Variants in CREB1 observed in about 807,000 individuals in gnomAD.
The protein encoded by CREB1 is cyclic AMP-responsive element-binding protein 1.
In CREB1, 2 loss-of-function variants were observed where a neutral mutation model predicts 42.0. The observed-to-expected ratio is 0.05, with a 90% CI of 0.02 to 0.15. The LOEUF (loss-of-function observed/expected upper bound fraction) is 0.15, where lower values mean the gene tolerates loss of function less well. Among genes scored for constraint, CREB1 ranks in the 10% least tolerant of loss-of-function variants. The pLI is 1.00. For missense variants in CREB1, 199 were observed against 388.9 expected (o/e 0.51, Z 4.11); for synonymous variants, 123 against 139.9 (o/e 0.88, Z 0.85).
chr2:207,557,049 AATTG>A, intron 2 of CREB1, among the ~76,000 whole-genome samples: 1 of 152,222 alleles, frequency 6.6e-6, no homozygotes, highest in Non-Finnish European at 1.5e-5. Context: ...GAGGGAGGAG[AATTG>A]CTTAAGTCCG....
rs748908971 is a variant in CREB1, at chr2:207,600,837, A to T, written c.*3779A>T. On this transcript the variant is annotated 3_prime_UTR_variant, in exon 8 of 8. Transcript: ENST00000353267. ...TATCATTTCTACCTTTTGGGGTGAC[A>T]TGTGGAATCATACAAAGGCTTAGGA... is the stretch of plus-strand genomic sequence containing the variant. The T allele has an allele frequency of 3.4e-5, 7 of 206,272 alleles. No individual in the cohort carries two copies. Among genetic ancestry groups the T allele is most frequent in the Non-Finnish European group, 5.9e-5 (6 of 100,970 alleles). 12.8% of individuals were successfully genotyped at this position (206,272 alleles called of 1,614,324 possible).
chr2:207,549,690 C>T (rs1419535433), intron 1 of CREB1, among the ~76,000 whole-genome samples: 1 of 151,866 alleles, frequency 6.6e-6, no homozygotes, highest in African/African-American at 2.4e-5. Flanking sequence ...CTGGCTAACA[C>T]GATGAAACAC....
chr2:207,587,060 T>C (rs1046165718), intron 7 of CREB1, among the ~76,000 whole-genome samples: 4 of 152,156 alleles, frequency 2.6e-5, no homozygotes, highest in African/African-American at 9.7e-5. Flanking sequence ...GAATGTACAT[T>C]AATGCAGCCA....
intron 1 of CREB1, among the ~76,000 whole-genome samples, chr2:207,539,512 C>T (rs1356237051): frequency 1.3e-5 from 2 of 151,916 alleles, no homozygotes; most frequent in Non-Finnish European, 2.9e-5. Flanking sequence ...GTGAAATAAT[C>T]GCAAGAAAAT....
intron 3 of CREB1, among the ~76,000 whole-genome samples, chr2:207,561,379 T>A (rs138556798): frequency 5.3e-5 from 8 of 152,332 alleles, no homozygotes; most frequent in African/African-American, 1.9e-4. Context: ...CTAATGGTAG[T>A]CCAGCATTTA....
rs1429157153 is a variant in CREB1 at position 207,600,839 on chromosome 2, G to C, written c.*3781G>C. The stretch of plus-strand genomic sequence containing the variant: ...TCATTTCTACCTTTTGGGGTGACAT[G>C]TGGAATCATACAAAGGCTTAGGAAG... On this transcript the variant is annotated 3_prime_UTR_variant, in exon 8 of 8. Coordinates refer to ENST00000353267, the MANE Select transcript of CREB1 (RefSeq NM_004379.5). 1 of 206,448 alleles carries C rather than the reference G, an allele frequency of 4.8e-6. No homozygotes were observed. Among genetic ancestry groups the C allele is most frequent in the African/African-American group, 2.3e-5 (1 of 43,854 alleles). The allele number at this position is 206,448 out of a possible 1,614,324, so 12.8% of individuals were successfully genotyped here.
At chr2:207,535,824 A>ATTTATT in intron 1 of CREB1, among the ~76,000 whole-genome samples, 1 of 53,418 alleles carries the variant, frequency 1.9e-5, no homozygotes, top group African/African-American at 5.1e-5. Context: ...ATTTATTTTT[A>ATTTATT]TTTATTTATT....
intron 1 of CREB1, among the ~76,000 whole-genome samples, chr2:207,532,542 G>A (rs1371069698): frequency 6.6e-6 from 1 of 150,884 alleles, no homozygotes; most frequent in East Asian, 2.0e-4. Flanking sequence ...GTGTCGTGGC[G>A]CGTGCTTGTA....
chr2:207,552,868 G>A (rs544214782), intron 1 of CREB1, among the ~76,000 whole-genome samples: 7 of 151,790 alleles, frequency 4.6e-5, no homozygotes, highest in Non-Finnish European at 8.8e-5. Context: ...CACCCGCCTC[G>A]GCCTCCCCAA....
chr2:207,575,245 G>A (rs1490059981), intron 5 of CREB1, 27 bp from the exon 6 acceptor site: 2 of 1,603,522 alleles, frequency 1.2e-6, no homozygotes, highest in Admixed American at 1.7e-5. Context: ...TATTAAACTT[G>A]TAACAATAAA....
At chr2:207,578,435 AT>A (rs2082678137) in intron 7 of CREB1, among the ~76,000 whole-genome samples, 1 of 152,218 alleles carries the variant, frequency 6.6e-6, no homozygotes, top group Non-Finnish European at 1.5e-5. Context: ...TCATCCCAGG[AT>A]ACTTCAAACA....
chr2:207,594,204 TTAAA>T (rs2085665878), intron 7 of CREB1, among the ~76,000 whole-genome samples: 1 of 152,224 alleles, frequency 6.6e-6, no homozygotes, highest in Non-Finnish European at 1.5e-5. Flanking sequence ...TTAGATTTTT[TTAAA>T]TAATTTCATT....
intron 7 of CREB1, among the ~76,000 whole-genome samples, chr2:207,586,949 A>AG (rs1273758487): frequency 6.6e-6 from 1 of 152,234 alleles, no homozygotes. Flanking sequence ...ATCATTAGTT[A>AG]GAATGGCTAT....
At chr2:207,543,652 A>G (rs1241808916) in intron 1 of CREB1, among the ~76,000 whole-genome samples, 1 of 152,046 alleles carries the variant, frequency 6.6e-6, no homozygotes, top group Non-Finnish European at 1.5e-5. Context: ...CACCAGGCTG[A>G]AGTGCAGTGG....
intron 1 of CREB1, among the ~76,000 whole-genome samples, chr2:207,550,960 G>C (rs2081480055): frequency 6.6e-6 from 1 of 152,034 alleles, no homozygotes; most frequent in Admixed American, 6.5e-5. Flanking sequence ...TTTTTATTCT[G>C]TTCATTGCTT....
chr2:207,570,932 C>T (rs1254142518), intron 5 of CREB1, among the ~76,000 whole-genome samples: 1 of 149,570 alleles, frequency 6.7e-6, no homozygotes, highest in Admixed American at 6.7e-5. Context: ...GTCTTCTTAT[C>T]TTTCACCAAA....
At chr2:207,577,052 C>T (rs2551923) in intron 6 of CREB1, 151,432 of 942,084 alleles carry the variant, frequency 0.16, 12,918 homozygotes, top group Middle Eastern at 0.17. Context: ...AATGCTTTAT[C>T]TTCTTTTTCA....
At chr2:207,552,237 A>G (rs73055096) in intron 1 of CREB1, among the ~76,000 whole-genome samples, 1,816 of 152,166 alleles carry the variant, frequency 0.012, 34 homozygotes, top group African/African-American at 0.041. Context: ...CTTTGTAACT[A>G]AAATTTACTT....
At chr2:207,532,735 T>TTTTTTA (rs1220711771) in intron 1 of CREB1, among the ~76,000 whole-genome samples, 3 of 152,040 alleles carry the variant, frequency 2.0e-5, no homozygotes, top group Non-Finnish European at 2.9e-5. Context: ...TTAAATTGTA[T>TTTTTTA]TTTTTATTTT....
Sources: gnomAD v4.1 joint callset for allele counts (sites outside exome capture counted in the v4.1 genomes callset) on GRCh38, gnomAD v4.1.1 for gene constraint, MANE v1.5 for transcripts, NCBI Gene and HGNC (gene_info 2026-07-23, HGNC 2026-07-21) for gene names.